Variants in TOGARAM2 observed in about 807,000 individuals in gnomAD.
TOGARAM2 encodes the protein TOG array regulator of axonemal microtubules 2.
Under a neutral mutation model 93.3 loss-of-function variants are expected in TOGARAM2, and 85 were observed. The ratio of observed to expected loss-of-function variants is 0.91; its 90% confidence interval spans 0.76 to 1.09. TOGARAM2 has a LOEUF of 1.09. Ranked by LOEUF, TOGARAM2 falls within the 50% of genes least tolerant of loss-of-function variation. The probability of loss-of-function intolerance (pLI) is 0.00; values close to 1 mark genes in which losing one functional copy is unlikely to be tolerated. For synonymous variants in TOGARAM2, 593 were observed against 552.8 expected (o/e 1.07, Z -1.02); for missense variants, 1,277 against 1,334.5 (o/e 0.96, Z 0.67).
intron 8 of TOGARAM2, among the ~76,000 whole-genome samples, chr2:29,016,379 G>A (rs76741160): frequency 0.072 from 10,941 of 152,080 alleles, 957 homozygotes; most frequent in African/African-American, 0.2. Context: ...GACCCTTCCC[G>A]TGCAGCAGCT....
At chr2:29,038,788 C>G (rs898837103) in intron 18 of TOGARAM2, among the ~76,000 whole-genome samples, 9 of 152,178 alleles carry the variant, frequency 5.9e-5, no homozygotes, top group Admixed American at 1.3e-4. Flanking sequence ...GCAGGTGAAG[C>G]ATGGGCTATC....
chr2:29,031,557 A>G (rs1665766597), intron 14 of TOGARAM2, among the ~76,000 whole-genome samples: 1 of 152,240 alleles, frequency 6.6e-6, no homozygotes, highest in South Asian at 2.1e-4. Flanking sequence ...TTGCAATTGA[A>G]ATGAATAATT....
intron 8 of TOGARAM2, among the ~76,000 whole-genome samples, 194 bp downstream of exon 8, chr2:29,014,755 G>C (rs188699493): frequency 6.6e-6 from 1 of 152,096 alleles, no homozygotes; most frequent in Non-Finnish European, 1.5e-5. Context: ...GAAAGGAAGA[G>C]AAAGGATGGG....
Position 29,017,945 on chromosome 2 carries a change from G to A in TOGARAM2, c.1349G>A (p.Arg450His), listed in dbSNP as rs373794845. The change falls in exon 10 of 20, where the codon CGC (arginine) becomes CAC (histidine). Residue 450 changes from arginine to histidine, a missense_variant. Transcript: ENST00000379558. Reference protein sequence around the residue: ...PISRQEPRFARHASANSLPAV... With the variant: ...PISRQEPRFAHHASANSLPAV... Reference sequence around the variant, plus strand: ...AGCCGGCAGGAGCCCCGCTTTGCCCGCCACGCCTCAGGTGGGCAGGCCCGA... The same window carrying A: ...AGCCGGCAGGAGCCCCGCTTTGCCCACCACGCCTCAGGTGGGCAGGCCCGA... The A allele has an allele frequency of 2.6e-5, 41 of 1,603,488 alleles. No individual in the cohort carries two copies. Among genetic ancestry groups the A allele is most frequent in the Admixed American group, 1.7e-4 (10 of 59,270 alleles).
rs1673103222 is a variant in TOGARAM2 at position 28,998,351 on chromosome 2, AG to A, written c.139+100del. On this transcript the variant is annotated intron_variant, in intron 3 of 19. Transcript: ENST00000379558. ...CCGGCTGTGTTCTCGAGCTACCAGCAGGTGTTATTTTTCCTGTGGCTCCTGC... is the reference window on the plus strand; with the variant it reads ...CCGGCTGTGTTCTCGAGCTACCAGCAGTGTTATTTTTCCTGTGGCTCCTGC... The A allele has an allele frequency of 4.1e-5, 32 of 781,452 alleles. No individual in the cohort carries two copies. In the South Asian group the frequency reaches 5.7e-4, roughly 14 times the overall value. 48.4% of individuals were successfully genotyped at this position (781,452 alleles called of 1,614,324 possible). A position where few individuals can be genotyped will look rare whatever the true frequency, so the allele number is the denominator to read the frequency against.
In TOGARAM2 at chr2:28,994,742, T is replaced by G; in HGVS notation, c.-93T>G. 2.9e-6 allele frequency: 4 copies of G among 1,359,344 alleles called. No homozygotes were observed. Among genetic ancestry groups the G allele is most frequent in the Non-Finnish European group, 4.1e-6 (4 of 973,998 alleles). 84.2% of individuals were successfully genotyped at this position (1,359,344 alleles called of 1,614,324 possible). A position where few individuals can be genotyped will look rare whatever the true frequency, so the allele number is the denominator to read the frequency against. Reference sequence around the variant, plus strand: ...ACCCTTAGGTCCCGGATGTTACAGGTCAGAGCCCTCCAGACCCCCAAGGAC... The same window carrying G: ...ACCCTTAGGTCCCGGATGTTACAGGGCAGAGCCCTCCAGACCCCCAAGGAC... On this transcript the variant is annotated 5_prime_UTR_variant, in exon 2 of 20. Coordinates refer to ENST00000379558, the MANE Select transcript of TOGARAM2 (RefSeq NM_199280.4).
chr2:29,007,224 C>T lies in TOGARAM2; in HGVS notation c.830+3542C>T, dbSNP rs1663938255. 2.0e-5 allele frequency among the ~76,000 whole-genome samples: 3 copies of T among 152,182 alleles called. No homozygotes were observed. The South Asian group carries it at 6.2e-4, about 31-fold the overall frequency. On this transcript the variant is annotated intron_variant, in intron 6 of 19. Coordinates refer to ENST00000379558, the MANE Select transcript of TOGARAM2 (RefSeq NM_199280.4). ...CACAGGTCAGGCTCCGGGTTTCCAT[C>T]TTTCTGTTGGGCATCTCCAGTTTCT...
intron 1 of TOGARAM2, among the ~76,000 whole-genome samples, chr2:28,993,850 T>C (rs960126334): frequency 6.6e-6 from 1 of 152,178 alleles, no homozygotes; most frequent in African/African-American, 2.4e-5. Flanking sequence ...TGAGTTGGGA[T>C]TTGTTGCTCA....
At chr2:28,987,312 C>T (rs751762769) in intron 1 of TOGARAM2, among the ~76,000 whole-genome samples, 13 of 152,162 alleles carry the variant, frequency 8.5e-5, no homozygotes, top group Middle Eastern at 3.4e-3. Flanking sequence ...TTTTATGAGA[C>T]GGAGTCTTGC....
In TOGARAM2 at chr2:29,005,420, A is replaced by T. The variant is rs573265853; in HGVS notation, c.830+1738A>T. Reference sequence around the variant, plus strand: ...TGTGGAGTGTGTGTGTGCGTGTGTGAGAGCATGCATGTGCGTGAGTGCATG... The same window carrying T: ...TGTGGAGTGTGTGTGTGCGTGTGTGTGAGCATGCATGTGCGTGAGTGCATG... On this transcript the variant is annotated intron_variant, in intron 6 of 19. Coordinates refer to ENST00000379558, the MANE Select transcript of TOGARAM2 (RefSeq NM_199280.4). Among the ~76,000 whole-genome samples, 342 of 74,902 alleles carry T rather than the reference A, an allele frequency of 4.6e-3. 6 individuals carry two copies. The highest frequency in any genetic ancestry group is 8.6e-3 in the African/African-American group (181 of 21,156). The allele number at this position is 74,902 out of a possible 152,430, so 49.1% of individuals were successfully genotyped here.
intron 4 of TOGARAM2, among the ~76,000 whole-genome samples, chr2:29,002,281 T>C (rs1405463305): frequency 2.0e-5 from 3 of 152,170 alleles, no homozygotes; most frequent in Non-Finnish European, 2.9e-5. Flanking sequence ...GGCACTGCTT[T>C]TATTTCCCTT....
intron 1 of TOGARAM2, among the ~76,000 whole-genome samples, chr2:28,992,870 G>A (rs1254881608): frequency 1.3e-5 from 2 of 152,016 alleles, no homozygotes; most frequent in Non-Finnish European, 1.5e-5. Context: ...GACCAGCCTC[G>A]CCAACATGGT....
At chr2:29,034,303 C>T (rs1008044294) in intron 16 of TOGARAM2, among the ~76,000 whole-genome samples, 9 of 152,330 alleles carry the variant, frequency 5.9e-5, no homozygotes, top group South Asian at 2.1e-4. Context: ...TAGAACATGT[C>T]TATTGGTTCT....
chr2:29,013,711 C>T (rs1252581776), intron 7 of TOGARAM2, among the ~76,000 whole-genome samples: 1 of 152,214 alleles, frequency 6.6e-6, no homozygotes, highest in Non-Finnish European at 1.5e-5. Flanking sequence ...GTTCTAGCTG[C>T]GATGGCAGCT....
intron 1 of TOGARAM2, among the ~76,000 whole-genome samples, chr2:28,973,734 C>T (rs1051960180): frequency 6.6e-6 from 1 of 152,048 alleles, no homozygotes; most frequent in Admixed American, 6.6e-5. Context: ...CATTATGTTG[C>T]CCAGGCTGGT....
chr2:28,974,954 A>AT (rs1243639585), intron 1 of TOGARAM2, among the ~76,000 whole-genome samples: 1 of 148,856 alleles, frequency 6.7e-6, no homozygotes, highest in Non-Finnish European at 1.5e-5. Context: ...TTCAGTCTAT[A>AT]TTTTTTCTGT....
intron 6 of TOGARAM2, among the ~76,000 whole-genome samples, chr2:29,009,541 C>CTGCCACGTGCAGGAA: frequency 6.7e-6 from 1 of 148,912 alleles, no homozygotes; most frequent in East Asian, 2.0e-4. Context: ...GGGGGCGGGG[C>CTGCCACGTGCAGGAA]GGGATGAATG....
intron 19 of TOGARAM2, chr2:29,045,875 C>T (rs567010573): frequency 2.6e-5 from 6 of 228,178 alleles, no homozygotes; most frequent in East Asian, 1.4e-4. Context: ...AACCTGTGTG[C>T]GTTTCTTCCT....
chr2:29,036,623 TC>T lies in TOGARAM2; in HGVS notation c.2506del (p.Leu836SerfsTer59). On this transcript the variant is annotated frameshift_variant, in exon 18 of 20. Transcript: ENST00000379558. LOFTEE classifies it high-confidence loss of function. ...GCGCTGGAGTCCTTCGCCAAGATGA[TC>T]CCCCTCCTCAGAGAGAGCTTACACC... Reference protein sequence around the residue: ...QWALESFAKMIPLLRESLHPM... With the variant: ...QWALESFAKMXPLLRESLHPM... The T allele has an allele frequency of 1.9e-6, 3 of 1,613,770 alleles. No individual in the cohort carries two copies. Among genetic ancestry groups the T allele is most frequent in the Non-Finnish European group, 2.5e-6 (3 of 1,179,842 alleles).
Sources: gnomAD v4.1 joint callset for allele counts (sites outside exome capture counted in the v4.1 genomes callset) on GRCh38, gnomAD v4.1.1 for gene constraint, MANE v1.5 for transcripts, NCBI Gene and HGNC (gene_info 2026-07-23, HGNC 2026-07-21) for gene names.